SLC41A2: variants seen among roughly 807,000 people sequenced by gnomAD.
SLC41A2 encodes solute carrier family 41 member 2, also known as SLC41A1-like 1.
Under a neutral mutation model 58.3 loss-of-function variants are expected in SLC41A2, and 32 were observed. The ratio of observed to expected loss-of-function variants is 0.55; its 90% CI spans 0.41 to 0.74. The LOEUF (loss-of-function observed/expected upper bound fraction) is 0.74, where lower values mean the gene tolerates loss of function less well. Among genes scored for constraint, SLC41A2 ranks in the 30% least tolerant of loss-of-function variants. The pLI is 0.00. For synonymous variants in SLC41A2, 190 were observed against 235.0 expected (o/e 0.81, Z 1.75); for missense variants, 514 against 680.6 (o/e 0.76, Z 2.72).
At chr12:104,888,448 G>A (rs1459068660) in intron 5 of SLC41A2, among the ~76,000 whole-genome samples, 1 of 152,030 alleles carries the variant, frequency 6.6e-6, no homozygotes, top group Admixed American at 6.6e-5. Context: ...ATTCTCTAGT[G>A]TAAAGTTCAT....
Position 104,845,832 on chromosome 12 carries a change from T to C in SLC41A2, c.1387+11A>G. The stretch of plus-strand genomic sequence containing the variant: ...TTGATCTAAAATATGCAAAAATCCA[T>C]AAGCACATACCTGGACCAAAGAAAG... On this transcript the variant is annotated intron_variant, in intron 9 of 10. Transcript: ENST00000258538. The C allele has an allele frequency of 6.3e-7, 1 of 1,597,126 alleles. No individual in the cohort carries two copies. Among genetic ancestry groups the C allele is most frequent in the Non-Finnish European group, 8.5e-7 (1 of 1,170,356 alleles).
At chr12:104,879,262 C>A (rs1272201166) in intron 6 of SLC41A2, among the ~76,000 whole-genome samples, 2 of 152,154 alleles carry the variant, frequency 1.3e-5, no homozygotes, top group Admixed American at 1.3e-4. Flanking sequence ...TATAGGTTAC[C>A]TGATCACTCT....
chr12:104,827,878 G>A (rs547108859), intron 10 of SLC41A2, among the ~76,000 whole-genome samples: 2 of 152,264 alleles, frequency 1.3e-5, no homozygotes, highest in South Asian at 2.1e-4. Context: ...AGAAGTGCTG[G>A]GAAGGGCATG....
At position 104,804,884 on chromosome 12, in the gene SLC41A2, TCTTTC is replaced by T. The variant is rs2040836078; in HGVS notation, c.*263_*267del. On this transcript the variant is annotated 3_prime_UTR_variant, in exon 11 of 11. Coordinates refer to ENST00000258538, the MANE Select transcript of SLC41A2 (RefSeq NM_001352171.3). ...ATTATTCACTGTAAACATCCTATAT[TCTTTC>T]CTAATTAATTTCAGAGCTGGAACTT... 4.1e-6 allele frequency: 1 copy of T among 246,454 alleles called. No homozygotes were observed. Among genetic ancestry groups the T allele is most frequent in the Non-Finnish European group, 7.8e-6 (1 of 128,698 alleles). The allele number at this position is 246,454 out of a possible 1,614,324, so 15.3% of individuals were successfully genotyped here. A position where few individuals can be genotyped will look rare whatever the true frequency, so the allele number is the denominator to read the frequency against.
Position 104,853,911 on chromosome 12 carries a change from A to ATTATTATTTTTTTTTTTTTTTTTTTTTT in SLC41A2, c.1255+7379_1255+7380insAAAAAAAAAAAAAAAAAAAAAATAATAA. The stretch of plus-strand genomic sequence containing the variant: ...GGGTGCATGTCACCATGCCTGGCTG[A>ATTATTATTTTTTTTTTTTTTTTTTTTTT]TTTTTTTTTTTTTTTTTTTTTTTTT... On this transcript the variant is annotated intron_variant, in intron 8 of 10. Transcript: ENST00000258538. Among the ~76,000 whole-genome samples, 7 of 59,494 alleles carry ATTATTATTTTTTTTTTTTTTTTTTTTTT rather than the reference A, an allele frequency of 1.2e-4. 1 individual carries two copies. The highest frequency in any genetic ancestry group is 9.5e-5 in the Non-Finnish European group (3 of 31,494). 39.0% of individuals were successfully genotyped at this position (59,494 alleles called of 152,430 possible).
chr12:104,874,219 G>A (rs1001698074), intron 6 of SLC41A2, among the ~76,000 whole-genome samples: 3 of 151,666 alleles, frequency 2.0e-5, no homozygotes, highest in East Asian at 1.9e-4. Flanking sequence ...GACTACAGGC[G>A]CCTGCCACCC....
At chr12:104,896,135 A>T (rs1014781750) in intron 3 of SLC41A2, among the ~76,000 whole-genome samples, 2 of 152,190 alleles carry the variant, frequency 1.3e-5, no homozygotes, top group Non-Finnish European at 2.9e-5. Flanking sequence ...TGATCTATAG[A>T]TAAGTTGATA....
rs2040761797 is a variant in SLC41A2 at position 104,803,298 on chromosome 12, T to TA, written c.*1853dup. The TA allele has an allele frequency of 6.6e-6, 1 of 152,120 alleles. No individual in the cohort carries two copies. The highest frequency in any genetic ancestry group is 2.1e-4 in the South Asian group (1 of 4,836). The allele number at this position is 152,120 out of a possible 1,614,324, so 9.4% of individuals were successfully genotyped here. A position where few individuals can be genotyped will look rare whatever the true frequency, so the allele number is the denominator to read the frequency against. On this transcript the variant is annotated 3_prime_UTR_variant, in exon 11 of 11. Coordinates refer to ENST00000258538, the MANE Select transcript of SLC41A2 (RefSeq NM_001352171.3). ...CTTTGCAGCTAAATATTCATCAACTTAAACTTATTCTTTCTTTTATAAGAA... is the reference window on the plus strand; with the variant it reads ...CTTTGCAGCTAAATATTCATCAACTTAAAACTTATTCTTTCTTTTATAAGAA...
chr12:104,905,539 G>A (rs1314807501), intron 3 of SLC41A2, among the ~76,000 whole-genome samples: 1 of 152,258 alleles, frequency 6.6e-6, no homozygotes, highest in Non-Finnish European at 1.5e-5. Flanking sequence ...GATGGTCGAT[G>A]GGACTGGGCG....
At chr12:104,920,838 G>C (rs1363082785) in intron 2 of SLC41A2, among the ~76,000 whole-genome samples, 1 of 151,860 alleles carries the variant, frequency 6.6e-6, no homozygotes, top group Non-Finnish European at 1.5e-5. Context: ...GTAGGAGAAT[G>C]GCATGAACCT....
intron 1 of SLC41A2, among the ~76,000 whole-genome samples, chr12:104,943,739 A>C (rs1468147455): frequency 2.0e-5 from 3 of 152,156 alleles, no homozygotes; most frequent in Non-Finnish European, 4.4e-5. Flanking sequence ...GACTAGCTGG[A>C]TTTCCTAGGC....
intron 6 of SLC41A2, among the ~76,000 whole-genome samples, chr12:104,873,997 G>A (rs1446059399): frequency 6.6e-6 from 1 of 151,516 alleles, no homozygotes; most frequent in Non-Finnish European, 1.5e-5. Flanking sequence ...TCACTTTGTG[G>A]ATTGTTTCTT....
In SLC41A2 at chr12:104,838,404, T is replaced by C. The variant is rs552276356; in HGVS notation, c.1536+6068A>G. 1.2e-4 allele frequency among the ~76,000 whole-genome samples: 18 copies of C among 152,352 alleles called. No individual in the cohort carries two copies. In the South Asian group the frequency reaches 3.5e-3, roughly 30 times the overall value. ...GCATTTATCTGGGCTTGGGCTTTGC[T>C]GAGAACAAGTTTTTTTCTTGAGAAT... is the stretch of plus-strand genomic sequence containing the variant. On this transcript the variant is annotated intron_variant, in intron 10 of 10. Coordinates refer to ENST00000258538, the MANE Select transcript of SLC41A2 (RefSeq NM_001352171.3).
chr12:104,880,677 T>C (rs1184763950), intron 6 of SLC41A2, among the ~76,000 whole-genome samples: 1 of 152,206 alleles, frequency 6.6e-6, no homozygotes, highest in African/African-American at 2.4e-5. Flanking sequence ...AACTTGATTA[T>C]GGTGGACACG....
rs191538465 is a variant in SLC41A2, at chr12:104,880,450, G to C, written c.1027+5843C>G. Among the ~76,000 whole-genome samples, 715 of 152,234 alleles carry C rather than the reference G, an allele frequency of 4.7e-3. 28 individuals are homozygous for C. The East Asian group carries it at 0.079, about 17-fold the overall frequency. ...CCATTCAGTATGATATTGGCTGTGG[G>C]TTTGTCATAAATAGCTCTTACTATT... On this transcript the variant is annotated intron_variant, in intron 6 of 10. Transcript: ENST00000258538.
intron 1 of SLC41A2, among the ~76,000 whole-genome samples, chr12:104,938,106 C>CA (rs576207952): frequency 0.013 from 1,819 of 140,020 alleles, 29 homozygotes; most frequent in African/African-American, 0.039. Flanking sequence ...TCCATACTAG[C>CA]AAAAAAAAAA....
chr12:104,820,601 T>C (rs1039108289), intron 10 of SLC41A2, among the ~76,000 whole-genome samples: 5 of 152,224 alleles, frequency 3.3e-5, no homozygotes, highest in African/African-American at 1.2e-4. Flanking sequence ...TTTACGTACT[T>C]GACATTTAAT....
intron 7 of SLC41A2, among the ~76,000 whole-genome samples, chr12:104,862,141 A>C (rs1237336348): frequency 6.6e-6 from 1 of 152,236 alleles, no homozygotes; most frequent in East Asian, 1.9e-4. Context: ...AATGCCATCC[A>C]CATTACAACA....
chr12:104,827,726 G>C (rs989698850), intron 10 of SLC41A2, among the ~76,000 whole-genome samples: 6 of 152,132 alleles, frequency 3.9e-5, no homozygotes, highest in African/African-American at 1.4e-4. Flanking sequence ...CCTTTGCTAG[G>C]AACACTTAGA....
Sources: gnomAD v4.1 joint callset for allele counts (sites outside exome capture counted in the v4.1 genomes callset) on GRCh38, gnomAD v4.1.1 for gene constraint, MANE v1.5 for transcripts, NCBI Gene and HGNC (gene_info 2026-07-23, HGNC 2026-07-21) for gene names.